RS1: variants seen among roughly 807,000 people sequenced by gnomAD.
RS1 encodes retinoschisin.
In RS1, 2 loss-of-function variants were observed where a neutral mutation model predicts 20.8. The observed-to-expected ratio is 0.10, with a 90% CI of 0.04 to 0.30. RS1 has a LOEUF of 0.30. RS1 is among the 10% of genes least tolerant of loss of function. The pLI, the probability that RS1 is intolerant of heterozygous loss-of-function variation, is 1.00. For synonymous variants in RS1, 70 were observed against 75.8 expected (o/e 0.92, Z 0.40); for missense variants, 151 against 189.8 (o/e 0.80, Z 1.20).
At position 18,646,009 on chromosome X, in the gene RS1, G is replaced by A. The variant is rs369009993; in HGVS notation, c.326+1182C>T. On this transcript the variant is annotated intron_variant, in intron 4 of 5. Coordinates refer to ENST00000379984, the MANE Select transcript of RS1 (RefSeq NM_000330.4). ...TTTTGTTTCTCCCCACTAACTAGAC[G>A]GTGGATGTGATGGCAGAAGACAGAG... The A allele has an allele frequency of 2.5e-5, 30 of 1,209,542 alleles. No homozygotes were observed. The highest frequency in any genetic ancestry group is 3.5e-5 in the African/African-American group (2 of 56,974).
chrX:18,651,860 C>T (rs1928062947), intron 3 of RS1, among the ~76,000 whole-genome samples: 1 of 111,318 alleles, frequency 9.0e-6, no homozygotes, highest in African/African-American at 3.3e-5. Flanking sequence ...CCCCTTTCCT[C>T]TTCCTTCTGT....
intron 3 of RS1, among the ~76,000 whole-genome samples, chrX:18,651,328 G>T (rs1185701399): frequency 1.8e-5 from 2 of 109,219 alleles, no homozygotes; most frequent in Non-Finnish European, 3.8e-5. Flanking sequence ...ATGTGAGAGA[G>T]AAACTTGTCG....
At chrX:18,661,783 T>A (rs1010691052) in intron 1 of RS1, among the ~76,000 whole-genome samples, 1 of 112,203 alleles carries the variant, frequency 8.9e-6, no homozygotes, top group African/African-American at 3.2e-5. Context: ...GCCGGCGCAC[T>A]CCTCTCAACG....
At chrX:18,670,131 A>C (rs1018595586) in intron 1 of RS1, among the ~76,000 whole-genome samples, 7 of 109,447 alleles carry the variant, frequency 6.4e-5, no homozygotes, top group Non-Finnish European at 1.1e-4. Flanking sequence ...CATTTCTAGG[A>C]CTTCTTCGCA....
At position 18,641,832 on chromosome X, in the gene RS1, T is replaced by C. The variant is rs1927585259; in HGVS notation, c.*172A>G. On this transcript the variant is annotated 3_prime_UTR_variant, in exon 6 of 6. Coordinates refer to ENST00000379984, the MANE Select transcript of RS1 (RefSeq NM_000330.4). ...AGTGGGGAATAAGTTCATTTTTATT[T>C]CATTGAAATCAGAAAGCTATATCTT... The C allele has an allele frequency of 2.2e-6, 1 of 460,467 alleles. No individual in the cohort carries two copies. 37.9% of individuals were successfully genotyped at this position (460,467 alleles called of 1,213,427 possible). A position where few individuals can be genotyped will look rare whatever the true frequency, so the allele number is the denominator to read the frequency against.
rs773769605 is a variant in RS1 at position 18,644,630 on chromosome X, C to G, written c.327-5G>C. Reference sequence around the variant, plus strand: ...AACTTGGAGAGCCAGGCACACCTGCCGAGAACATACCGAGTCACCGAGAGA... The same window carrying G: ...AACTTGGAGAGCCAGGCACACCTGCGGAGAACATACCGAGTCACCGAGAGA... On this transcript the variant is annotated splice_region_variant and splice_polypyrimidine_tract_variant and intron_variant, in intron 4 of 5. Coordinates refer to ENST00000379984, the MANE Select transcript of RS1 (RefSeq NM_000330.4). 6 of 1,209,182 alleles carry G rather than the reference C, an allele frequency of 5.0e-6. No individual in the cohort carries two copies. The highest frequency in any genetic ancestry group is 6.7e-6 in the Non-Finnish European group (6 of 893,759).
chrX:18,659,140 A>G (rs1645248787), intron 1 of RS1, among the ~76,000 whole-genome samples: 1 of 111,750 alleles, frequency 8.9e-6, no homozygotes, highest in South Asian at 3.8e-4. Context: ...TCACAGTCCA[A>G]TGTAGTCATG....
chrX:18,649,628 T>C, intron 3 of RS1, among the ~76,000 whole-genome samples: 1 of 111,837 alleles, frequency 8.9e-6, no homozygotes, highest in African/African-American at 3.2e-5. Flanking sequence ...TTGTAGTTTA[T>C]TGAGTACTCA....
At chrX:18,651,052 A>G (rs2147198312) in intron 3 of RS1, among the ~76,000 whole-genome samples, 1 of 110,685 alleles carries the variant, frequency 9.0e-6, no homozygotes, top group Admixed American at 9.6e-5. Flanking sequence ...TTTTCTGGCA[A>G]AGACTCAATA....
chrX:18,648,065 G>A (rs1234647385), intron 3 of RS1, among the ~76,000 whole-genome samples: 7 of 110,700 alleles, frequency 6.3e-5, no homozygotes, highest in African/African-American at 3.3e-5. Flanking sequence ...GGCTGGGCAC[G>A]GTGACTCATG....
intron 3 of RS1, among the ~76,000 whole-genome samples, chrX:18,651,392 G>C (rs1355941811): frequency 9.0e-6 from 1 of 110,750 alleles, no homozygotes. Context: ...CCAGGAATTA[G>C]CGCATTGCCC....
intron 3 of RS1, among the ~76,000 whole-genome samples, chrX:18,651,264 T>TGAGAGAGAGAGAGAGA (rs1191836877): frequency 1.4e-5 from 1 of 69,008 alleles, no homozygotes; most frequent in African/African-American, 6.3e-5. Context: ...TGTGTGTGTG[T>TGAGAGAGAGAGAGAGA]GAGAGAGAGA....
chrX:18,668,801 C>T (rs1169933316), intron 1 of RS1, among the ~76,000 whole-genome samples: 1 of 111,532 alleles, frequency 9.0e-6, no homozygotes, highest in Non-Finnish European at 1.9e-5. Flanking sequence ...GACAGAAAGT[C>T]GATCCGTGGT....
chrX:18,665,592 G>T (rs951723797), intron 1 of RS1, among the ~76,000 whole-genome samples: 9 of 110,828 alleles, frequency 8.1e-5, no homozygotes, highest in Non-Finnish European at 1.3e-4. Flanking sequence ...TTTCCTGGCC[G>T]GACGCAGTGG....
intron 3 of RS1, among the ~76,000 whole-genome samples, chrX:18,655,127 G>A (rs1435145258): frequency 8.9e-6 from 1 of 111,940 alleles, no homozygotes; most frequent in African/African-American, 3.2e-5. Context: ...TCCTCAGTGT[G>A]TGAGCTCTTA....
Position 18,650,386 on chromosome X carries a change from C to T in RS1, c.185-3054G>A, listed in dbSNP as rs1294833087. ...GCCTCCCGGGCCCCAAGCTTCATTC[C>T]ACTGCCCTCTGAATATTTTCCAGGA... On this transcript the variant is annotated intron_variant, in intron 3 of 5. Transcript: ENST00000379984. 8.3e-7 allele frequency: 1 copy of T among 1,206,708 alleles called. No homozygotes were observed. Among genetic ancestry groups the T allele is most frequent in the Non-Finnish European group, 1.1e-6 (1 of 891,679 alleles).
intron 5 of RS1, among the ~76,000 whole-genome samples, chrX:18,644,032 C>T (rs1927677572): frequency 9.0e-6 from 1 of 110,953 alleles, no homozygotes; most frequent in Non-Finnish European, 1.9e-5. Flanking sequence ...CTGTCAGTCT[C>T]AAACAATAGG....
chrX:18,656,859 G>C, intron 2 of RS1, 101 bp from the exon 3 acceptor site: 2 of 653,441 alleles, frequency 3.1e-6, no homozygotes, highest in Non-Finnish European at 5.1e-6. Context: ...ATCGTCTATA[G>C]CAGCTTTGCT....
chrX:18,645,901 C>T lies in RS1; in HGVS notation c.327-1276G>A, dbSNP rs936572080. 1.5e-5 allele frequency: 18 copies of T among 1,173,353 alleles called. 1 individual carries two copies. In the South Asian group the frequency reaches 3.3e-4, roughly 22 times the overall value. ...AACTAGATGGGGCCCCCTAACCAAA[C>T]TCTGGTCAATGGGATGTGGGCAGAA... On this transcript the variant is annotated intron_variant, in intron 4 of 5. Transcript: ENST00000379984.
Sources: gnomAD v4.1 joint callset for allele counts (sites outside exome capture counted in the v4.1 genomes callset) on GRCh38, gnomAD v4.1.1 for gene constraint, MANE v1.5 for transcripts, NCBI Gene and HGNC (gene_info 2026-07-23, HGNC 2026-07-21) for gene names.